The following PTRH1 variants were observed in gnomAD, a reference collection of about 807,000 sequenced individuals.
The protein encoded by PTRH1 is peptidyl-tRNA hydrolase 1 homolog.
Under a neutral mutation model 15.7 loss-of-function variants are expected in PTRH1, and 13 were observed. The ratio of observed to expected loss-of-function variants is 0.83; its 90% CI spans 0.54 to 1.31. PTRH1 has a LOEUF of 1.31. Ranked by LOEUF, PTRH1 falls within the 40% of genes most tolerant of loss-of-function variation. The pLI, the probability that PTRH1 is intolerant of heterozygous loss-of-function variation, is 0.00. For synonymous variants in PTRH1, 139 were observed against 136.7 expected (o/e 1.02, Z -0.12); for missense variants, 319 against 296.2 (o/e 1.08, Z -0.56).
At chr9:127,694,236 T>A (rs577743939) in intron 2 of PTRH1, among the ~76,000 whole-genome samples, 3 of 151,942 alleles carry the variant, frequency 2.0e-5, no homozygotes, top group Non-Finnish European at 4.4e-5. Context: ...CTGGCCCCCA[T>A]TATCTTTATC....
chr9:127,707,849 C>A, intron 1 of PTRH1, among the ~76,000 whole-genome samples: 1 of 152,214 alleles, frequency 6.6e-6, no homozygotes, highest in East Asian at 1.9e-4. Context: ...CCTTAAAAGA[C>A]AAACCAGTAG....
At chr9:127,695,947 G>A (rs980320519) in intron 1 of PTRH1, 4 of 152,058 alleles carry the variant, frequency 2.6e-5, no homozygotes, top group African/African-American at 7.2e-5. Context: ...TATTATTGTC[G>A]TCTTATATCT....
At chr9:127,712,240 A>G, downstream of PTRH1, 2 of 1,614,084 alleles carry the variant, frequency 1.2e-6, no homozygotes, top group South Asian at 2.2e-5. Context: ...GAGCAGCAGC[A>G]GGTGGATTTG....
chr9:127,711,248 C>T (rs1264897241), downstream of PTRH1: 1 of 1,614,040 alleles, frequency 6.2e-7, no homozygotes, highest in South Asian at 1.1e-5. Flanking sequence ...AGAGATCATC[C>T]AGCGCGTGAA....
At chr9:127,711,122 A>C (rs574813004), downstream of PTRH1, 1 of 1,369,056 alleles carries the variant, frequency 7.3e-7, no homozygotes, top group Non-Finnish European at 9.9e-7. Context: ...GGGAGAGAGC[A>C]TGCTGGTGTT....
downstream of PTRH1, chr9:127,713,049 G>A: frequency 6.2e-7 from 1 of 1,613,792 alleles, no homozygotes; most frequent in Non-Finnish European, 8.5e-7. Context: ...CCCAGGACTG[G>A]GTCTCTGCTG....
chr9:127,713,115 G>A (rs779533908), downstream of PTRH1: 19 of 1,612,830 alleles, frequency 1.2e-5, no homozygotes, highest in Non-Finnish European at 1.4e-5. Flanking sequence ...CTGGTACCTC[G>A]CCAGGTCCAC....
At chr9:127,694,780 C>T in intron 2 of PTRH1, 1 of 587,710 alleles carries the variant, frequency 1.7e-6, no homozygotes. Flanking sequence ...GTGTTGCATG[C>T]TTTGGGTTGT....
chr9:127,711,309 C>A (rs1315888871), downstream of PTRH1: 3 of 1,614,058 alleles, frequency 1.9e-6, no homozygotes, highest in African/African-American at 4.0e-5. Context: ...ATGTGGGAGA[C>A]AACCAAGCGG....
chr9:127,704,124 A>ATT (rs1842624348), intron 1 of PTRH1, among the ~76,000 whole-genome samples: 1 of 152,184 alleles, frequency 6.6e-6, no homozygotes, highest in Non-Finnish European at 1.5e-5. Flanking sequence ...AGGGGGAGAA[A>ATT]TGGTGTTTTT....
chr9:127,714,918 G>GGGGGGGGGGCCCCCCCCCCC, intron 2 of PTRH1, 57 bp downstream of exon 2: 1 of 398,848 alleles, frequency 2.5e-6, no homozygotes. Context: ...TCTGGCCCCC[G>GGGGGGGGGGCCCCCCCCCCC]CGCCCCAACC....
chr9:127,706,527 G>C (rs1405369189), intron 1 of PTRH1, among the ~76,000 whole-genome samples: 1 of 152,146 alleles, frequency 6.6e-6, no homozygotes, highest in Admixed American at 6.5e-5. Flanking sequence ...GGCATGGCTG[G>C]CTGAGATTGG....
chr9:127,704,521 AAAG>A (rs1488174417), intron 1 of PTRH1, among the ~76,000 whole-genome samples: 13 of 151,670 alleles, frequency 8.6e-5, no homozygotes, highest in Admixed American at 3.3e-4. Flanking sequence ...AAAAAAAAAA[AAAG>A]AAAAGAAAAA....
downstream of PTRH1, chr9:127,712,892 G>A: frequency 1.9e-6 from 3 of 1,603,160 alleles, no homozygotes; most frequent in Non-Finnish European, 2.6e-6. Flanking sequence ...AAGTGGCCCT[G>A]TGTGGCCTCA....
chr9:127,712,446 C>T, downstream of PTRH1: 3 of 1,496,536 alleles, frequency 2.0e-6, no homozygotes, highest in Non-Finnish European at 2.7e-6. Flanking sequence ...GATCAGAGGC[C>T]CCTCTTTTCC....
downstream of PTRH1, chr9:127,711,156 A>G: frequency 6.5e-7 from 1 of 1,547,544 alleles, no homozygotes; most frequent in Non-Finnish European, 8.7e-7. Flanking sequence ...TGCTCTGGGA[A>G]CCTCACAAAG....
intron 1 of PTRH1, among the ~76,000 whole-genome samples, chr9:127,701,682 G>C (rs750033514): frequency 6.6e-6 from 1 of 152,236 alleles, no homozygotes; most frequent in Non-Finnish European, 1.5e-5. Context: ...GGAGGCCAAG[G>C]TGGGCGGATC....
At chr9:127,712,843 G>C, downstream of PTRH1, 2 of 1,613,364 alleles carry the variant, frequency 1.2e-6, no homozygotes, top group Non-Finnish European at 1.7e-6. Context: ...GTCCCCACCA[G>C]GAGTCACAGT....
At chr9:127,706,751 C>T (rs769195664) in intron 1 of PTRH1, among the ~76,000 whole-genome samples, 6 of 152,210 alleles carry the variant, frequency 3.9e-5, no homozygotes, top group Non-Finnish European at 8.8e-5. Flanking sequence ...TTCCCCATGG[C>T]GCTTATTTCC....
Sources: gnomAD v4.1 joint callset for allele counts (sites outside exome capture counted in the v4.1 genomes callset) on GRCh38, gnomAD v4.1.1 for gene constraint, MANE v1.5 for transcripts, NCBI Gene and HGNC (gene_info 2026-07-23, HGNC 2026-07-21) for gene names.